Variants in CD38 observed in about 807,000 individuals in gnomAD.
CD38 encodes CD38 molecule.
In CD38, 31 loss-of-function variants were observed where a neutral mutation model predicts 36.3. The ratio of observed to expected loss-of-function variants is 0.85; its 90% CI spans 0.64 to 1.15. CD38 has a LOEUF of 1.15. Ranked by LOEUF, CD38 falls within the 50% of genes most tolerant of loss-of-function variation. CD38 has a pLI of 0.00. For missense variants in CD38, 380 were observed against 371.9 expected (o/e 1.02, Z -0.18); for synonymous variants, 131 against 135.2 (o/e 0.97, Z 0.22).
rs1015769107 is a variant in CD38 at position 15,850,559 on chromosome 4, T to C, written c.*1957T>C. On this transcript the variant is annotated 3_prime_UTR_variant, in exon 8 of 8. Transcript: ENST00000226279. ...TAAGTACTAAAGACGACAGCAAAAA[T>C]TGAGTCCAGCACAGAGCTTCCTAAA... The C allele has an allele frequency of 6.6e-6, 1 of 152,128 alleles. No individual in the cohort carries two copies. The highest frequency in any genetic ancestry group is 1.9e-4 in the East Asian group (1 of 5,188). The allele number at this position is 152,128 out of a possible 1,614,324, so 9.4% of individuals were successfully genotyped here.
At chr4:15,792,605 C>T (rs1723029271) in intron 1 of CD38, among the ~76,000 whole-genome samples, 1 of 152,042 alleles carries the variant, frequency 6.6e-6, no homozygotes, top group Non-Finnish European at 1.5e-5. Flanking sequence ...CAACTATCAA[C>T]ATTCTGCTGT....
chr4:15,847,078 T>C (rs1724269403), intron 7 of CD38, among the ~76,000 whole-genome samples: 1 of 20,250 alleles, frequency 4.9e-5, no homozygotes, highest in Non-Finnish European at 7.4e-5. Flanking sequence ...CAAATGAGTA[T>C]AAATCATGCT....
At chr4:15,787,655 T>C (rs1357646364) in intron 1 of CD38, among the ~76,000 whole-genome samples, 1 of 152,210 alleles carries the variant, frequency 6.6e-6, no homozygotes, top group Non-Finnish European at 1.5e-5. Flanking sequence ...CTCTCCTGGT[T>C]GCCAGGACGT....
rs965839535 is a variant in CD38, at chr4:15,778,759, C to T, written c.233+112C>T. 5.4e-6 allele frequency: 4 copies of T among 746,224 alleles called. No individual in the cohort carries two copies. Among genetic ancestry groups the T allele is most frequent in the Non-Finnish European group, 8.7e-6 (4 of 458,772 alleles). The allele number at this position is 746,224 out of a possible 1,614,324, so 46.2% of individuals were successfully genotyped here. On this transcript the variant is annotated intron_variant, in intron 1 of 7. Coordinates refer to ENST00000226279, the MANE Select transcript of CD38 (RefSeq NM_001775.4). This position sits in a 1 kb window ranked among gnomAD's most constrained non-coding sequence, Gnocchi z 4.9. Reference sequence around the variant, plus strand: ...CGGGCATCTTCCGTGGCGGGTCAGCCGAGAGCCCGCCGGGTGGTGCTGAGT... The same window carrying T: ...CGGGCATCTTCCGTGGCGGGTCAGCTGAGAGCCCGCCGGGTGGTGCTGAGT...
At chr4:15,803,823 TC>T (rs140957922) in intron 1 of CD38, among the ~76,000 whole-genome samples, 3,436 of 152,160 alleles carry the variant, frequency 0.023, 57 homozygotes, top group Non-Finnish European at 0.035. Context: ...CCTCTTATAC[TC>T]CCCAGTGCCT....
chr4:15,781,094 AAAACC>A (rs946303285), intron 1 of CD38, among the ~76,000 whole-genome samples: 10 of 152,188 alleles, frequency 6.6e-5, no homozygotes, highest in African/African-American at 2.4e-4. Context: ...ACTCCGTCTC[AAAACC>A]AAACCAAACC....
intron 4 of CD38, among the ~76,000 whole-genome samples, chr4:15,835,940 A>G (rs1724060039): frequency 6.6e-6 from 1 of 152,204 alleles, no homozygotes; most frequent in Admixed American, 6.5e-5. Flanking sequence ...TTAAGTGGAC[A>G]AGGAAACATT....
intron 2 of CD38, among the ~76,000 whole-genome samples, chr4:15,819,630 A>C (rs1723687922): frequency 6.6e-6 from 1 of 152,182 alleles, no homozygotes; most frequent in Admixed American, 6.5e-5. Flanking sequence ...AAATAGACCA[A>C]ACAGAAGAAA....
At chr4:15,791,690 C>G (rs1464642087) in intron 1 of CD38, among the ~76,000 whole-genome samples, 1 of 91,016 alleles carries the variant, frequency 1.1e-5, no homozygotes, top group Non-Finnish European at 2.1e-5. Flanking sequence ...GATCAGCCCC[C>G]CGCCTGGCCA....
At chr4:15,826,559 A>G (rs1197125888) in intron 3 of CD38, among the ~76,000 whole-genome samples, 1 of 152,046 alleles carries the variant, frequency 6.6e-6, no homozygotes, top group African/African-American at 2.4e-5. Flanking sequence ...ATAAATTGTA[A>G]TAGAAACTGG....
At chr4:15,825,554 C>T (rs1723828438) in intron 3 of CD38, 1 of 152,504 alleles carries the variant, frequency 6.6e-6, no homozygotes, top group Non-Finnish European at 1.5e-5. Flanking sequence ...GTTAAATATC[C>T]AAACTATAGC....
At chr4:15,801,156 T>A (rs939806229) in intron 1 of CD38, among the ~76,000 whole-genome samples, 1 of 151,970 alleles carries the variant, frequency 6.6e-6, no homozygotes, top group African/African-American at 2.4e-5. Flanking sequence ...TGAACACCAA[T>A]AAATTGGAAA....
intron 1 of CD38, among the ~76,000 whole-genome samples, chr4:15,780,630 T>C (rs544273707): frequency 1.3e-5 from 2 of 151,958 alleles, no homozygotes; most frequent in Non-Finnish European, 2.9e-5. Context: ...CTGGCAGCAC[T>C]CTGGACTCGA....
At chr4:15,828,629 C>G (rs1342372657) in intron 3 of CD38, among the ~76,000 whole-genome samples, 1 of 152,166 alleles carries the variant, frequency 6.6e-6, no homozygotes, top group Non-Finnish European at 1.5e-5. Flanking sequence ...CTTGTTCCAT[C>G]TATATTGTCA....
chr4:15,819,584 G>A (rs774051537), intron 2 of CD38, among the ~76,000 whole-genome samples: 16 of 152,022 alleles, frequency 1.1e-4, no homozygotes, highest in Non-Finnish European at 1.6e-4. Context: ...AACACAACAC[G>A]AGAACTTCAA....
At chr4:15,821,870 A>T (rs1723743504) in intron 2 of CD38, among the ~76,000 whole-genome samples, 1 of 151,834 alleles carries the variant, frequency 6.6e-6, no homozygotes, top group South Asian at 2.1e-4. Flanking sequence ...AAACTGGCAG[A>T]GATTTAAAAA....
intron 1 of CD38, among the ~76,000 whole-genome samples, chr4:15,789,788 C>G (rs941557621): frequency 1.3e-5 from 2 of 150,972 alleles, no homozygotes; most frequent in Non-Finnish European, 3.0e-5. Flanking sequence ...CCCTCCTCAC[C>G]GTGTGATGCC....
intron 3 of CD38, among the ~76,000 whole-genome samples, chr4:15,826,784 G>C (rs1033917600): frequency 1.3e-5 from 2 of 151,996 alleles, no homozygotes; most frequent in Non-Finnish European, 2.9e-5. Flanking sequence ...ATATGAGATA[G>C]TTTATTTACC....
intron 1 of CD38, among the ~76,000 whole-genome samples, chr4:15,813,631 T>A (rs1000954315): frequency 6.6e-6 from 1 of 152,030 alleles, no homozygotes; most frequent in African/African-American, 2.4e-5. Flanking sequence ...CCGGTGTGTG[T>A]TGTTCCCCTC....
Sources: gnomAD v4.1 joint callset for allele counts (sites outside exome capture counted in the v4.1 genomes callset) on GRCh38, gnomAD v4.1.1 for gene constraint, Gnocchi (gnomAD v3.1) non-coding constraint, MANE v1.5 for transcripts, NCBI Gene and HGNC (gene_info 2026-07-23, HGNC 2026-07-21) for gene names.